The following PALM2AKAP2 variants were observed in gnomAD, a reference collection of about 807,000 sequenced individuals.
The protein encoded by PALM2AKAP2 is PALM2-AKAP2 fusion protein.
Under a neutral mutation model 71.5 loss-of-function variants are expected in PALM2AKAP2, and 37 were observed. The ratio of observed to expected loss-of-function variants is 0.52; its 90% CI spans 0.40 to 0.68. The LOEUF (loss-of-function observed/expected upper bound fraction) is 0.68, where lower values mean the gene tolerates loss of function less well. PALM2AKAP2 is among the 30% of genes least tolerant of loss of function. The pLI is 0.00. For missense variants in PALM2AKAP2, 1,224 were observed against 1,191.8 expected, an observed-to-expected ratio of 1.03 and a Z score of -0.40; for synonymous variants, 468 against 478.8, an observed-to-expected ratio of 0.98 and a Z score of 0.29.
chr9:110,029,165 C>T lies in PALM2AKAP2; in HGVS notation c.582+13126C>T, dbSNP rs1833235210. Among the ~76,000 whole-genome samples the T allele has an allele frequency of 4.6e-5, 7 of 152,044 alleles. No individual in the cohort carries two copies. In the South Asian group the frequency reaches 1.5e-3, roughly 32 times the overall value. ...GAAGTGAAACTATGAGAAACACTAC[C>T]CTCTATTTGTTTGTTTGATTGTTTT... is the stretch of plus-strand genomic sequence containing the variant. On this transcript the variant is annotated intron_variant, in intron 7 of 9. Transcript: ENST00000302798.
chr9:110,132,275 G>A (rs927731697), intron 1 of PALM2AKAP2, among the ~76,000 whole-genome samples: 3 of 151,648 alleles, frequency 2.0e-5, no homozygotes, highest in African/African-American at 4.8e-5. Flanking sequence ...GGCTGGTGTC[G>A]AACTCCTGAC....
chr9:109,903,653 C>CA (rs1830378912), intron 3 of PALM2AKAP2, among the ~76,000 whole-genome samples: 2 of 152,184 alleles, frequency 1.3e-5, no homozygotes, highest in East Asian at 3.9e-4. Context: ...AGCAGAATCA[C>CA]AGCTGTCTCC....
At chr9:110,122,624 T>C (rs1303060150) in intron 1 of PALM2AKAP2, among the ~76,000 whole-genome samples, 1 of 152,178 alleles carries the variant, frequency 6.6e-6, no homozygotes, top group African/African-American at 2.4e-5. Flanking sequence ...AGGAGCACCA[T>C]AGATATTGGC....
At chr9:109,829,858 A>T (rs150563405) in intron 1 of PALM2AKAP2, among the ~76,000 whole-genome samples, 1 of 152,274 alleles carries the variant, frequency 6.6e-6, no homozygotes, top group East Asian at 1.9e-4. Flanking sequence ...TTAGAATTTA[A>T]TGAGGCTGAC....
At chr9:109,775,430 C>G (rs1464726298), upstream of PALM2AKAP2, among the ~76,000 whole-genome samples, 1 of 152,206 alleles carries the variant, frequency 6.6e-6, no homozygotes, top group Non-Finnish European at 1.5e-5. Flanking sequence ...ATGAATCTAT[C>G]ATTTGGATCC....
At chr9:110,136,082 G>T in intron 1 of PALM2AKAP2, 45 bp from the exon 8 acceptor site, 1 of 1,517,852 alleles carries the variant, frequency 6.6e-7, no homozygotes, top group Non-Finnish European at 8.8e-7. Context: ...ACATCCATAA[G>T]AGATGCAGTA....
At chr9:109,904,875 A>C (rs1343994317) in intron 3 of PALM2AKAP2, among the ~76,000 whole-genome samples, 1 of 152,204 alleles carries the variant, frequency 6.6e-6, no homozygotes, top group East Asian at 1.9e-4. Flanking sequence ...CTCTGGGTGG[A>C]TTTTAAGTGG....
intron 3 of PALM2AKAP2, among the ~76,000 whole-genome samples, chr9:109,921,077 C>T (rs1271180999): frequency 6.6e-6 from 1 of 152,328 alleles, no homozygotes; most frequent in Non-Finnish European, 1.5e-5. Context: ...TCTAGATTGG[C>T]CAGCCCCCTC....
chr9:109,729,774 G>T (rs549136919), intron 1 of PALM2AKAP2, among the ~76,000 whole-genome samples: 2 of 152,146 alleles, frequency 1.3e-5, no homozygotes, highest in Non-Finnish European at 1.5e-5. Flanking sequence ...AAATTTCTGT[G>T]CAAGTAGGCT....
chr9:109,736,165 G>A (rs950585362), intron 1 of PALM2AKAP2, among the ~76,000 whole-genome samples: 26 of 152,078 alleles, frequency 1.7e-4, no homozygotes, highest in Non-Finnish European at 4.4e-5. Flanking sequence ...TTTGTCTTGC[G>A]TTTGTATATT....
In PALM2AKAP2 at chr9:110,149,585, C is replaced by G. The variant is rs577885194; in HGVS notation, c.2570-6734C>G. On this transcript the variant is annotated intron_variant, in intron 2 of 3. Transcript: ENST00000374525. ...CTCCATGCCCATAGGTTCATGGAAG[C>G]CAATATTGGGTTGATACTTGCATTC... Among the ~76,000 whole-genome samples the G allele has an allele frequency of 7.9e-5, 12 of 152,316 alleles. No homozygotes were observed. In the East Asian group the frequency reaches 2.3e-3, roughly 29 times the overall value.
intron 1 of PALM2AKAP2, among the ~76,000 whole-genome samples, chr9:110,078,773 A>G (rs1297494162): frequency 1.3e-5 from 2 of 152,236 alleles, no homozygotes; most frequent in Admixed American, 1.3e-4. Context: ...CTTTAAAAGT[A>G]AACAACCTCC....
chr9:110,079,376 A>T (rs917202087), intron 1 of PALM2AKAP2, among the ~76,000 whole-genome samples: 7 of 152,086 alleles, frequency 4.6e-5, no homozygotes, highest in African/African-American at 1.7e-4. Flanking sequence ...CATGCCTGTA[A>T]TCCCAGCTAC....
intron 1 of PALM2AKAP2, among the ~76,000 whole-genome samples, chr9:109,759,846 A>G (rs1255052089): frequency 1.3e-5 from 2 of 152,168 alleles, no homozygotes; most frequent in Non-Finnish European, 2.9e-5. Flanking sequence ...GATTTTTCCT[A>G]ATGAAAGGCT....
At chr9:109,880,767 C>A (rs763305817) in intron 3 of PALM2AKAP2, 86 bp downstream of exon 3, 188 of 1,495,766 alleles carry the variant, frequency 1.3e-4, no homozygotes, top group Middle Eastern at 1.8e-4. Flanking sequence ...TTTCTCAATA[C>A]TGTTACCTTC....
chr9:109,655,123 G>A (rs1163198607), intron 1 of PALM2AKAP2, among the ~76,000 whole-genome samples: 1 of 151,998 alleles, frequency 6.6e-6, no homozygotes, highest in Non-Finnish European at 1.5e-5. Flanking sequence ...GTTTCACCAT[G>A]TCTCTACTAA....
At chr9:109,720,076 C>T (rs1828383427) in intron 1 of PALM2AKAP2, among the ~76,000 whole-genome samples, 1 of 151,992 alleles carries the variant, frequency 6.6e-6, no homozygotes, top group African/African-American at 2.4e-5. Context: ...ACAACCTCTG[C>T]CTCCTGGGTT....
At chr9:110,154,255 G>A (rs1330030638) in intron 2 of PALM2AKAP2, among the ~76,000 whole-genome samples, 5 of 152,146 alleles carry the variant, frequency 3.3e-5, no homozygotes, top group Admixed American at 1.3e-4. Flanking sequence ...TTTTACTGAT[G>A]AGGAAACTAA....
intron 6 of PALM2AKAP2, chr9:109,942,874 A>G: frequency 6.2e-7 from 1 of 1,614,206 alleles, no homozygotes; most frequent in South Asian, 1.1e-5. Flanking sequence ...GCACAAATTA[A>G]GCACAAAGGA....
Sources: allele counts gnomAD v4.1 joint callset (sites outside exome capture counted in the v4.1 genomes callset), GRCh38; gene constraint gnomAD v4.1.1; transcripts MANE v1.5; gene names NCBI Gene and HGNC (gene_info 2026-07-23, HGNC 2026-07-21).